The following UGT2B10 variants were observed in gnomAD, a reference collection of about 807,000 sequenced individuals.
The protein encoded by UGT2B10 is UDP-glucuronosyltransferase 2B10.
Under a neutral mutation model 43.7 loss-of-function variants are expected in UGT2B10, and 51 were observed. The observed-to-expected ratio is 1.17, with a 90% CI of 0.93 to 1.47. The LOEUF (loss-of-function observed/expected upper bound fraction) is 1.47, where lower values mean the gene tolerates loss of function less well. UGT2B10 is among the 40% of genes most tolerant of loss of function. The pLI, the probability that UGT2B10 is intolerant of heterozygous loss-of-function variation, is 0.00. For missense variants in UGT2B10, 696 were observed against 617.7 expected, an observed-to-expected ratio of 1.13 and a Z score of -1.34; for synonymous variants, 225 against 209.0, an observed-to-expected ratio of 1.08 and a Z score of -0.66.
In UGT2B10 at chr4:68,822,346, A is replaced by C. The variant is rs367581024; in HGVS notation, c.943A>C (p.Met315Leu). 1.2e-5 allele frequency: 20 copies of C among 1,613,708 alleles called. No homozygotes were observed. In the Middle Eastern group the frequency reaches 1.7e-3, roughly 134 times the overall value. ...TTCTCTGGGGTCAATGGTCAGTAAC[A>C]TGACAGAAGAAAGGGCCAACGTAAT... is the stretch of plus-strand genomic sequence containing the variant. Reference protein sequence around the residue: ...VFSLGSMVSNMTEERANVIAT... With the variant: ...VFSLGSMVSNLTEERANVIAT... The change falls in exon 3 of 6, where the codon ATG becomes CTG. Residue 315 changes from methionine to leucine, a missense_variant. Coordinates refer to ENST00000265403, the MANE Select transcript of UGT2B10 (RefSeq NM_001075.6).
rs1342721335 is a variant in UGT2B10, at chr4:68,831,578, G to A, written c.*699G>A. Reference sequence around the variant, plus strand: ...TACATAAAATAAAGTGGAAATGAATGATTGACTGAACAGCCCACAAGAAGA... The same window carrying A: ...TACATAAAATAAAGTGGAAATGAATAATTGACTGAACAGCCCACAAGAAGA... On this transcript the variant is annotated 3_prime_UTR_variant, in exon 6 of 6. Coordinates refer to ENST00000265403, the MANE Select transcript of UGT2B10 (RefSeq NM_001075.6). Among the ~76,000 whole-genome samples the A allele has an allele frequency of 2.0e-5, 3 of 152,202 alleles. No individual in the cohort carries two copies. The East Asian group carries it at 5.8e-4, about 30-fold the overall frequency.
At chr4:68,819,159 A>C (rs1180309173) in intron 2 of UGT2B10, among the ~76,000 whole-genome samples, 1 of 151,968 alleles carries the variant, frequency 6.6e-6, no homozygotes, top group Non-Finnish European at 1.5e-5. Context: ...CAAAACACTT[A>C]AAATGTCTCT....
At chr4:68,820,851 C>T (rs924415695) in intron 2 of UGT2B10, among the ~76,000 whole-genome samples, 3 of 152,096 alleles carry the variant, frequency 2.0e-5, no homozygotes, top group Admixed American at 2.0e-4. Context: ...CTTACATTAA[C>T]TTTGTAGTAT....
At chr4:68,817,409 G>A (rs1737267085) in intron 1 of UGT2B10, among the ~76,000 whole-genome samples, 1 of 151,738 alleles carries the variant, frequency 6.6e-6, no homozygotes, top group Non-Finnish European at 1.5e-5. Flanking sequence ...ATACGAGACT[G>A]ATTATGGTCG....
chr4:68,824,580 C>T (rs13132118), intron 3 of UGT2B10, among the ~76,000 whole-genome samples: 1 of 152,126 alleles, frequency 6.6e-6, no homozygotes, highest in Non-Finnish European at 1.5e-5. Flanking sequence ...TTCTAATTTC[C>T]TATCTGATAA....
chr4:68,824,259 G>A (rs1448762596), intron 3 of UGT2B10, among the ~76,000 whole-genome samples: 3 of 152,202 alleles, frequency 2.0e-5, no homozygotes, highest in Non-Finnish European at 2.9e-5. Context: ...AAGAGAAAAA[G>A]CAGCTTGCCC....
intron 3 of UGT2B10, among the ~76,000 whole-genome samples, 190 bp from the exon 4 acceptor site, chr4:68,826,220 A>G (rs1303456113): frequency 6.6e-6 from 1 of 152,146 alleles, no homozygotes; most frequent in African/African-American, 2.4e-5. Context: ...TTGGAAAATA[A>G]TGGTTTCTTA....
Position 68,816,363 on chromosome 4 carries a change from T to C in UGT2B10, c.344T>C (p.Leu115Pro). ...WLPFSQEQEI[L>P]WAINDIIRNF... ...CCTTTTTCACAAGAACAAGAAATCC[T>C]GTGGGCAATTAATGACATAATTAGA... is the stretch of plus-strand genomic sequence containing the variant. Residue 115 changes from leucine to proline, a missense_variant, in exon 1 of 6, where the codon CTG becomes CCG. Transcript: ENST00000265403. 6.2e-7 allele frequency: 1 copy of C among 1,613,058 alleles called. No homozygotes were observed.
chr4:68,818,279 G>T, intron 2 of UGT2B10, 102 bp downstream of exon 2: 1 of 1,551,580 alleles, frequency 6.4e-7, no homozygotes, highest in Non-Finnish European at 8.6e-7. Flanking sequence ...GAAAAAGATG[G>T]GAAGTAGGTG....
chr4:68,816,710 T>A lies in UGT2B10; in HGVS notation c.691T>A (p.Trp231Arg). 1 of 1,609,388 alleles carries A rather than the reference T, an allele frequency of 6.2e-7. No homozygotes were observed. Among genetic ancestry groups the A allele is most frequent in the Non-Finnish European group, 8.5e-7 (1 of 1,177,722 alleles). ...FWFQIFNMKKWDQFYSEVLGR... is the reference protein window; with the variant it reads ...FWFQIFNMKKRDQFYSEVLGR... ...GTTCCAAATATTTAATATGAAGAAG[T>A]GGGATCAGTTTTACAGTGAAGTTTT... The change falls in exon 1 of 6, where the codon TGG becomes AGG. Residue 231 changes from tryptophan (W) to arginine (R), a missense_variant. By Grantham distance (101) the Trp-to-Arg change is moderately radical (BLOSUM62 -3). Transcript: ENST00000265403.
At chr4:68,828,083 A>C (rs1210851781) in intron 5 of UGT2B10, among the ~76,000 whole-genome samples, 1 of 151,958 alleles carries the variant, frequency 6.6e-6, no homozygotes, top group African/African-American at 2.4e-5. Flanking sequence ...ATAAGTTTGG[A>C]ACATTTTTAT....
intron 2 of UGT2B10, among the ~76,000 whole-genome samples, chr4:68,820,715 A>G (rs1737450081): frequency 6.6e-6 from 1 of 152,096 alleles, no homozygotes; most frequent in Non-Finnish European, 1.5e-5. Flanking sequence ...TCGTGTATGT[A>G]CATTGACCTA....
intron 3 of UGT2B10, among the ~76,000 whole-genome samples, chr4:68,823,422 C>G (rs190031866): frequency 6.2e-4 from 95 of 152,068 alleles, no homozygotes; most frequent in East Asian, 4.1e-3. Flanking sequence ...CAGGAGAATC[C>G]CTTGAACCAA....
At chr4:68,824,000 A>G (rs1172466628) in intron 3 of UGT2B10, among the ~76,000 whole-genome samples, 1 of 152,164 alleles carries the variant, frequency 6.6e-6, no homozygotes, top group Admixed American at 6.5e-5. Context: ...TGTACACACT[A>G]CAGATGTTAT....
At chr4:68,816,842 T>A in intron 1 of UGT2B10, 105 bp downstream of exon 1, 1 of 932,600 alleles carries the variant, frequency 1.1e-6, no homozygotes, top group East Asian at 2.6e-5. Flanking sequence ...TTTTGGTAAA[T>A]GAATTTATGA....
chr4:68,828,377 A>G (rs1314696313), intron 5 of UGT2B10, among the ~76,000 whole-genome samples: 1 of 151,916 alleles, frequency 6.6e-6, no homozygotes, highest in Non-Finnish European at 1.5e-5. Context: ...TTGTTCATTT[A>G]TCAGTTCATT....
chr4:68,830,798 C>G lies in UGT2B10; in HGVS notation c.1506C>G (p.Thr502=). The change falls in exon 6 of 6, where the codon ACC becomes ACG. Residue 502 remains threonine (T), a synonymous_variant. Coordinates refer to ENST00000265403, the MANE Select transcript of UGT2B10 (RefSeq NM_001075.6). ...VIGFLLACVA[T]VLFIITKCCL... The stretch of plus-strand genomic sequence containing the variant: ...GGTTCCTGCTGGCTTGTGTGGCAAC[C>G]GTGCTATTTATCATCACAAAGTGTT... 6.2e-7 allele frequency: 1 copy of G among 1,613,192 alleles called. No individual in the cohort carries two copies. Among genetic ancestry groups the G allele is most frequent in the Non-Finnish European group, 8.5e-7 (1 of 1,179,482 alleles).
At chr4:68,821,043 T>C (rs1441126393) in intron 2 of UGT2B10, among the ~76,000 whole-genome samples, 6 of 152,066 alleles carry the variant, frequency 3.9e-5, no homozygotes, top group African/African-American at 1.4e-4. Flanking sequence ...TCACACACAA[T>C]ACCTAGATGC....
chr4:68,817,830 C>T (rs1737290569), intron 1 of UGT2B10, among the ~76,000 whole-genome samples, 199 bp from the exon 2 acceptor site: 1 of 151,608 alleles, frequency 6.6e-6, no homozygotes, highest in Admixed American at 6.6e-5. Context: ...CACTACTTTG[C>T]CTTTCTTATA....
Sources: gnomAD v4.1 joint callset for allele counts (sites outside exome capture counted in the v4.1 genomes callset) on GRCh38, gnomAD v4.1.1 for gene constraint, MANE v1.5 for transcripts, NCBI Gene and HGNC (gene_info 2026-07-23, HGNC 2026-07-21) for gene names.